DCDC1: variants seen among roughly 807,000 people sequenced by gnomAD.
DCDC1 encodes the protein doublecortin domain containing 1.
In DCDC1, 200 loss-of-function variants were observed where a neutral mutation model predicts 178.3. The ratio of observed to expected loss-of-function variants is 1.12; its 90% CI spans 1.00 to 1.26. The LOEUF (loss-of-function observed/expected upper bound fraction) is 1.26. DCDC1 is among the 50% of genes most tolerant of loss of function. The pLI is 0.00. For missense variants in DCDC1, 1,983 were observed against 1,749.2 expected (o/e 1.13, Z -2.38); for synonymous variants, 690 against 604.8 (o/e 1.14, Z -2.07).
intron 9 of DCDC1, among the ~76,000 whole-genome samples, chr11:31,164,494 C>G (rs1966600282): frequency 2.6e-5 from 4 of 152,032 alleles, no homozygotes; most frequent in Non-Finnish European, 4.4e-5. Context: ...ATTGATCATC[C>G]TGACCCTGAA....
chr11:31,264,936 T>C (rs1945043596), intron 8 of DCDC1, among the ~76,000 whole-genome samples: 1 of 152,178 alleles, frequency 6.6e-6, no homozygotes, highest in South Asian at 2.1e-4. Context: ...TGAGCACCTA[T>C]ACCATGAAGT....
intron 3 of DCDC1, among the ~76,000 whole-genome samples, chr11:31,314,979 A>G (rs1244563748): frequency 6.6e-6 from 1 of 152,162 alleles, no homozygotes; most frequent in African/African-American, 2.4e-5. Flanking sequence ...TTGCTTCACA[A>G]AGCAACAACT....
intron 11 of DCDC1, among the ~76,000 whole-genome samples, chr11:31,120,351 G>C (rs1960615144): frequency 6.6e-6 from 1 of 152,122 alleles, no homozygotes; most frequent in South Asian, 2.1e-4. Flanking sequence ...GGATTTAAGT[G>C]AAGTTAATGA....
intron 15 of DCDC1, among the ~76,000 whole-genome samples, chr11:31,096,233 TAGTGCTTAC>T (rs1351588952): frequency 3.9e-5 from 6 of 152,236 alleles, no homozygotes; most frequent in African/African-American, 1.4e-4. Flanking sequence ...ATTTGACTTA[TAGTGCTTAC>T]AGTGCCTGGA....
chr11:31,054,054 A>C (rs774643945), intron 20 of DCDC1, among the ~76,000 whole-genome samples: 3 of 152,082 alleles, frequency 2.0e-5, no homozygotes, highest in Non-Finnish European at 4.4e-5. Flanking sequence ...TGATGATATG[A>C]TTGTTTTACC....
chr11:31,311,788 C>T (rs1367820993), intron 3 of DCDC1, among the ~76,000 whole-genome samples: 1 of 152,210 alleles, frequency 6.6e-6, no homozygotes, highest in Non-Finnish European at 1.5e-5. Context: ...CCTCAAAATC[C>T]TCCCCATTTA....
At chr11:31,108,346 T>G (rs993446025) in intron 12 of DCDC1, among the ~76,000 whole-genome samples, 4 of 152,216 alleles carry the variant, frequency 2.6e-5, no homozygotes, top group Non-Finnish European at 5.9e-5. Flanking sequence ...AGTAAAAATC[T>G]ATATTGCCTT....
chr11:31,283,367 T>A (rs974380031), intron 7 of DCDC1, among the ~76,000 whole-genome samples: 9 of 29,228 alleles, frequency 3.1e-4, no homozygotes, highest in Non-Finnish European at 8.6e-4. Context: ...AAACCCAGGT[T>A]TTTTTTTTTG....
At chr11:30,888,106 GAAAGAAAGAA>G (rs1565029841) in intron 36 of DCDC1, among the ~76,000 whole-genome samples, 29 of 84,906 alleles carry the variant, frequency 3.4e-4, no homozygotes, top group Non-Finnish European at 5.5e-4. Flanking sequence ...GAAAAAGAAA[GAAAGAAAGAA>G]AGAAAGAAAG....
rs573881292 is a variant in DCDC1, at chr11:30,949,514, T to G, written c.2715+2931A>C. Among the ~76,000 whole-genome samples the G allele has an allele frequency of 2.0e-5, 3 of 152,156 alleles. No homozygotes were observed. In the South Asian group the frequency reaches 6.2e-4, roughly 32 times the overall value. On this transcript the variant is annotated intron_variant, in intron 21 of 38. Transcript: ENST00000684477. The stretch of plus-strand genomic sequence containing the variant: ...GCAATCCCATTACTTGGTATATACC[T>G]AAAGAATTATAAATGATTCTACTAT...
At chr11:31,092,053 T>A (rs1192519258) in intron 16 of DCDC1, among the ~76,000 whole-genome samples, 1 of 152,224 alleles carries the variant, frequency 6.6e-6, no homozygotes, top group Non-Finnish European at 1.5e-5. Flanking sequence ...AAGGGCCATT[T>A]AACCATTTTC....
chr11:30,925,714 A>G (rs1415649958), intron 22 of DCDC1, among the ~76,000 whole-genome samples: 2 of 152,306 alleles, frequency 1.3e-5, no homozygotes, highest in East Asian at 3.9e-4. Flanking sequence ...ACCAATAAAT[A>G]GCTAGACACA....
chr11:31,013,988 C>A (rs1378051565), intron 20 of DCDC1, among the ~76,000 whole-genome samples: 2 of 152,190 alleles, frequency 1.3e-5, no homozygotes, highest in African/African-American at 2.4e-5. Flanking sequence ...TGCCTCCTGG[C>A]ATTTCCAACC....
intron 18 of DCDC1, among the ~76,000 whole-genome samples, chr11:31,076,838 CT>C (rs1956895196): frequency 2.6e-5 from 4 of 152,054 alleles, no homozygotes; most frequent in Non-Finnish European, 5.9e-5. Context: ...GCTCAAGGTG[CT>C]CTTCTGTGTC....
chr11:31,331,565 T>C (rs568121340), intron 2 of DCDC1, among the ~76,000 whole-genome samples: 29 of 152,304 alleles, frequency 1.9e-4, no homozygotes, highest in African/African-American at 7.0e-4. Context: ...CATCAATACC[T>C]AGTTTATTGA....
intron 20 of DCDC1, among the ~76,000 whole-genome samples, chr11:31,046,097 A>C (rs898202398): frequency 2.0e-5 from 3 of 152,192 alleles, no homozygotes; most frequent in African/African-American, 7.2e-5. Flanking sequence ...TTCAATCACA[A>C]GACTCCCTTT....
At chr11:31,249,536 C>T (rs1943819672) in intron 8 of DCDC1, among the ~76,000 whole-genome samples, 1 of 152,100 alleles carries the variant, frequency 6.6e-6, no homozygotes, top group Non-Finnish European at 1.5e-5. Context: ...ACCCTGAGGA[C>T]CATGTCTAAG....
intron 9 of DCDC1, among the ~76,000 whole-genome samples, chr11:31,219,167 TAC>T (rs1973953728): frequency 6.6e-6 from 1 of 151,934 alleles, no homozygotes; most frequent in South Asian, 2.1e-4. Flanking sequence ...CAAAACAATT[TAC>T]AGTTAAAAAA....
chr11:31,091,125 TTA>T (rs1283411238), intron 17 of DCDC1, among the ~76,000 whole-genome samples: 1 of 152,176 alleles, frequency 6.6e-6, no homozygotes, highest in African/African-American at 2.4e-5. Flanking sequence ...GTTCTGATAA[TTA>T]TAGAGTAAAG....
Sources: allele counts gnomAD v4.1 joint callset (sites outside exome capture counted in the v4.1 genomes callset), GRCh38; gene constraint gnomAD v4.1.1; transcripts MANE v1.5; gene names NCBI Gene and HGNC (gene_info 2026-07-23, HGNC 2026-07-21).